Variants in SFI1 observed in about 807,000 individuals in gnomAD.
SFI1 encodes the protein protein SFI1 homolog.
In SFI1, 195 loss-of-function variants were observed where a neutral mutation model predicts 207.5. The observed-to-expected ratio is 0.94, with a 90% CI of 0.84 to 1.06. SFI1 has a LOEUF of 1.06. Among genes scored for constraint, SFI1 ranks in the 50% least tolerant of loss-of-function variants. The pLI is 0.00. For missense variants in SFI1, 1,634 were observed against 1,588.0 expected (o/e 1.03, Z -0.49); for synonymous variants, 630 against 598.9 (o/e 1.05, Z -0.76).
chr22:31,514,796 GGA>G (rs1393023205), intron 2 of SFI1, among the ~76,000 whole-genome samples: 5 of 147,610 alleles, frequency 3.4e-5, no homozygotes, highest in African/African-American at 1.3e-4. Flanking sequence ...TTTTTGAGAC[GGA>G]GTCTCACTCT....
At chr22:31,553,905 G>T in intron 6 of SFI1, among the ~76,000 whole-genome samples, 1 of 125,978 alleles carries the variant, frequency 7.9e-6, no homozygotes. Context: ...GGAGTGCAGT[G>T]GTGTGAGGAT....
chr22:31,513,904 C>G (rs1037882405), intron 2 of SFI1, among the ~76,000 whole-genome samples: 1 of 151,098 alleles, frequency 6.6e-6, no homozygotes, highest in East Asian at 2.0e-4. Context: ...GAGGCTGAGG[C>G]GGGTGGATTA....
intron 1 of SFI1, among the ~76,000 whole-genome samples, chr22:31,501,906 G>A (rs963618665): frequency 8.6e-5 from 13 of 152,000 alleles, no homozygotes; most frequent in African/African-American, 1.9e-4. Context: ...ATGTCCCCAC[G>A]ATAAGCACAT....
intron 15 of SFI1, among the ~76,000 whole-genome samples, chr22:31,593,144 C>A (rs957790632): frequency 6.7e-6 from 1 of 148,696 alleles, no homozygotes; most frequent in African/African-American, 2.5e-5. Flanking sequence ...GACCCCCCCC[C>A]ACCTCCTTCC....
chr22:31,499,867 A>T (rs577756364), intron 1 of SFI1, among the ~76,000 whole-genome samples: 63 of 151,478 alleles, frequency 4.2e-4, no homozygotes, highest in South Asian at 1.0e-3. Flanking sequence ...ATGCGCCTGT[A>T]GTCCCAGCTA....
chr22:31,591,295 G>A (rs1333634419), intron 15 of SFI1, among the ~76,000 whole-genome samples: 3 of 152,132 alleles, frequency 2.0e-5, no homozygotes, highest in African/African-American at 7.2e-5. Flanking sequence ...TAAGGTCACA[G>A]ATCAACAGGA....
At chr22:31,592,988 AC>A (rs1429366473) in intron 15 of SFI1, among the ~76,000 whole-genome samples, 1 of 77,536 alleles carries the variant, frequency 1.3e-5, no homozygotes, top group African/African-American at 5.9e-5. Context: ...CGGGGGGCTG[AC>A]CCCCCCACCT....
chr22:31,508,522 A>G (rs1033263454), intron 2 of SFI1, 146 bp downstream of exon 2: 20 of 602,660 alleles, frequency 3.3e-5, no homozygotes, highest in Non-Finnish European at 4.9e-5. Flanking sequence ...CAAATTTTTC[A>G]TCTATAAGAT....
At chr22:31,534,661 A>G (rs2058808790) in intron 4 of SFI1, among the ~76,000 whole-genome samples, 1 of 151,910 alleles carries the variant, frequency 6.6e-6, no homozygotes, top group South Asian at 2.1e-4. Context: ...TTCCATTTCT[A>G]AGCTGTTAGT....
chr22:31,552,664 A>G (rs891614544), intron 6 of SFI1, among the ~76,000 whole-genome samples: 12 of 151,992 alleles, frequency 7.9e-5, no homozygotes, highest in Non-Finnish European at 1.8e-4. Context: ...TTAATATAAT[A>G]ATTTCTCTTC....
At chr22:31,496,978 C>T (rs1332344913) in intron 1 of SFI1, among the ~76,000 whole-genome samples, 1 of 152,214 alleles carries the variant, frequency 6.6e-6, no homozygotes, top group Non-Finnish European at 1.5e-5. Flanking sequence ...CCTTAGCGTG[C>T]GCGGATCCAA....
chr22:31,574,402 C>T lies in SFI1; in HGVS notation c.923-829C>T, dbSNP rs566372185. ...TTCCAGGTCTGATTCCCATCCCCTTCCCAGGCCCTAGCTCATCAGACCATT... is the reference window on the plus strand; with the variant it reads ...TTCCAGGTCTGATTCCCATCCCCTTTCCAGGCCCTAGCTCATCAGACCATT... On this transcript the variant is annotated intron_variant, in intron 9 of 32. Transcript: ENST00000400288. Among the ~76,000 whole-genome samples the T allele has an allele frequency of 3.3e-5, 5 of 152,318 alleles. No homozygotes were observed. The East Asian group carries it at 7.7e-4, about 24-fold the overall frequency.
At chr22:31,608,089 T>G (rs1245176315) in intron 22 of SFI1, 56 bp downstream of exon 22, 1 of 1,396,592 alleles carries the variant, frequency 7.2e-7, no homozygotes, top group Non-Finnish European at 1.0e-6. Flanking sequence ...AGCGCTGTTG[T>G]GGAGATCCCT....
Position 31,561,305 on chromosome 22 carries a change from G to A in SFI1, c.678G>A (p.Thr226=), listed in dbSNP as rs188472147. 4.4e-5 allele frequency: 71 copies of A among 1,614,018 alleles called. No homozygotes were observed. In the East Asian group the frequency reaches 1.0e-3, roughly 24 times the overall value. The change falls in exon 8 of 33, where the codon ACG becomes ACA. Residue 226 remains threonine (T), a synonymous_variant. Coordinates refer to ENST00000400288, the MANE Select transcript of SFI1 (RefSeq NM_001007467.3). ...TGTTTCACAGGGTGTGGTGGAGCAC[G>A]TGGAGGCAGCGACTAGGACAGGTCC... is the stretch of plus-strand genomic sequence containing the variant. ...QRIILRVWWS[T]WRQRLGQVRV...
intron 4 of SFI1, among the ~76,000 whole-genome samples, chr22:31,537,753 A>G (rs2059125098): frequency 6.6e-6 from 1 of 152,192 alleles, no homozygotes; most frequent in South Asian, 2.1e-4. Context: ...GTTATTTTCT[A>G]ATATCTATAT....
chr22:31,500,765 G>A (rs2053610137), intron 1 of SFI1, among the ~76,000 whole-genome samples: 1 of 150,198 alleles, frequency 6.7e-6, no homozygotes. Context: ...CCAATAAAGT[G>A]GTGTTTTTGT....
chr22:31,584,042 A>G (rs535225622), intron 13 of SFI1, 70 bp downstream of exon 13: 1 of 1,309,154 alleles, frequency 7.6e-7, no homozygotes, highest in African/African-American at 1.4e-5. Flanking sequence ...TCCAGGAGTA[A>G]TTGCTTGCCC....
chr22:31,540,208 A>G (rs5998034), intron 4 of SFI1, among the ~76,000 whole-genome samples: 114 of 150,744 alleles, frequency 7.6e-4, no homozygotes, highest in African/African-American at 2.5e-3. Context: ...TGGGATTGAG[A>G]TGAAGGTGGT....
chr22:31,594,866 A>AG (rs2066854853), intron 15 of SFI1, among the ~76,000 whole-genome samples: 1 of 151,034 alleles, frequency 6.6e-6, no homozygotes, highest in African/African-American at 2.4e-5. Context: ...AAAAAAAAAA[A>AG]AAAAAAAAAA....
Sources: allele counts gnomAD v4.1 joint callset (sites outside exome capture counted in the v4.1 genomes callset), GRCh38; gene constraint gnomAD v4.1.1; transcripts MANE v1.5; gene names NCBI Gene and HGNC (gene_info 2026-07-23, HGNC 2026-07-21).